Variants in R3HDM1 observed in about 807,000 individuals in gnomAD.
R3HDM1 encodes R3H domain-containing protein 1.
In R3HDM1, 46 loss-of-function variants were observed where a neutral mutation model predicts 141.1. The ratio of observed to expected loss-of-function variants is 0.33; its 90% CI spans 0.26 to 0.42. The LOEUF is 0.42. Among genes scored for constraint, R3HDM1 ranks in the 10% least tolerant of loss-of-function variants. The probability of loss-of-function intolerance (pLI) is 1.00; values close to 1 mark genes in which losing one functional copy is unlikely to be tolerated. For synonymous variants in R3HDM1, 435 were observed against 472.9 expected (o/e 0.92, Z 1.04); for missense variants, 1,184 against 1,368.3 (o/e 0.87, Z 2.12).
At chr2:135,688,133 AT>A (rs2105372605) in intron 21 of R3HDM1, among the ~76,000 whole-genome samples, 1 of 152,288 alleles carries the variant, frequency 6.6e-6, no homozygotes, top group South Asian at 2.1e-4. Context: ...ATTATAAACA[AT>A]TGTCCTTTTC....
chr2:135,654,863 A>AGC (rs1202364171), intron 18 of R3HDM1, among the ~76,000 whole-genome samples: 1 of 136,620 alleles, frequency 7.3e-6, no homozygotes, highest in African/African-American at 2.7e-5. Flanking sequence ...GTGTATATAA[A>AGC]GTGTGTGTGT....
At chr2:135,552,713 AT>A (rs1700056895) in intron 1 of R3HDM1, among the ~76,000 whole-genome samples, 1 of 152,208 alleles carries the variant, frequency 6.6e-6, no homozygotes, top group East Asian at 1.9e-4. Flanking sequence ...CCAGGTCATC[AT>A]TGGCACTCCA....
intron 1 of R3HDM1, among the ~76,000 whole-genome samples, chr2:135,596,500 T>C (rs2059203440): frequency 6.6e-6 from 1 of 152,194 alleles, no homozygotes; most frequent in African/African-American, 2.4e-5. Flanking sequence ...AATACAGATG[T>C]GATTTGAAGT....
chr2:135,671,153 GTA>G (rs2068272398), intron 19 of R3HDM1, among the ~76,000 whole-genome samples: 1 of 150,474 alleles, frequency 6.6e-6, no homozygotes. Context: ...TAAACAGTTT[GTA>G]TTCTTTCTTT....
At chr2:135,628,538 T>C (rs1303585187) in intron 7 of R3HDM1, among the ~76,000 whole-genome samples, 1 of 152,254 alleles carries the variant, frequency 6.6e-6, no homozygotes, top group East Asian at 1.9e-4. Flanking sequence ...AATATTCTTA[T>C]ACCTGCTCTT....
intron 23 of R3HDM1, among the ~76,000 whole-genome samples, chr2:135,713,003 A>G (rs1360434720): frequency 1.3e-5 from 2 of 152,186 alleles, no homozygotes; most frequent in Non-Finnish European, 2.9e-5. Context: ...GGAGTTCAAG[A>G]GCAGCCTAGA....
At chr2:135,602,324 G>T (rs914824729) in intron 1 of R3HDM1, among the ~76,000 whole-genome samples, 176 bp from the exon 2 acceptor site, 2 of 152,036 alleles carry the variant, frequency 1.3e-5, no homozygotes, top group Non-Finnish European at 2.9e-5. Context: ...GACTTATTCA[G>T]GTTCACAAAG....
At chr2:135,723,888 A>G (rs2076950761) in intron 26 of R3HDM1, 49 bp from the exon 27 acceptor site, 6 of 1,486,808 alleles carry the variant, frequency 4.0e-6, no homozygotes, top group African/African-American at 2.8e-5. Flanking sequence ...TTTTTACCCA[A>G]CTTTTTTGGT....
intron 17 of R3HDM1, chr2:135,651,185 A>AT: frequency 2.0e-6 from 2 of 985,214 alleles, no homozygotes; most frequent in Middle Eastern, 1.0e-3. Context: ...TGGCCAAATT[A>AT]TTTTTGAAAG....
At chr2:135,541,851 T>TAAAAAAAA (rs10558924) in intron 1 of R3HDM1, among the ~76,000 whole-genome samples, 1 of 121,896 alleles carries the variant, frequency 8.2e-6, no homozygotes, top group African/African-American at 2.8e-5. Context: ...TTCAATTTGT[T>TAAAAAAAA]AAAAAAAAAA....
intron 1 of R3HDM1, among the ~76,000 whole-genome samples, chr2:135,578,707 C>G (rs1456023958): frequency 6.6e-6 from 1 of 152,022 alleles, no homozygotes; most frequent in Non-Finnish European, 1.5e-5. Context: ...AAACACAAGA[C>G]AAAAAACAAA....
intron 1 of R3HDM1, chr2:135,581,492 AC>A: frequency 1.3e-6 from 1 of 759,476 alleles, no homozygotes; most frequent in Non-Finnish European, 1.6e-6. Flanking sequence ...ACTGACTAAT[AC>A]CACAATCTTT....
intron 17 of R3HDM1, chr2:135,650,798 A>T: frequency 1.0e-6 from 1 of 984,484 alleles, no homozygotes; most frequent in South Asian, 4.7e-5. Context: ...TACTTTGGAA[A>T]ATCCAGCAGA....
intron 1 of R3HDM1, among the ~76,000 whole-genome samples, chr2:135,542,514 G>A (rs139326988): frequency 2.0e-5 from 3 of 151,560 alleles, no homozygotes; most frequent in Admixed American, 6.6e-5. Flanking sequence ...TTAACTCCTC[G>A]TCATTTAAAC....
intron 1 of R3HDM1, among the ~76,000 whole-genome samples, chr2:135,536,015 C>T (rs941862421): frequency 1.3e-5 from 2 of 152,030 alleles, no homozygotes; most frequent in Non-Finnish European, 2.9e-5. Context: ...TTTTGAAAGC[C>T]CTATAGTTTA....
intron 1 of R3HDM1, among the ~76,000 whole-genome samples, chr2:135,551,892 T>C (rs184493582): frequency 2.9e-4 from 44 of 152,336 alleles, no homozygotes; most frequent in Admixed American, 1.2e-3. Context: ...TGAAGGCAAA[T>C]GTTTATTTTA....
chr2:135,678,333 G>A (rs1174439829), intron 20 of R3HDM1, among the ~76,000 whole-genome samples: 3 of 152,054 alleles, frequency 2.0e-5, no homozygotes, highest in South Asian at 2.1e-4. Context: ...TGAGTTTCTG[G>A]AGCCACAGGG....
chr2:135,593,536 A>G (rs1242571814), intron 1 of R3HDM1, among the ~76,000 whole-genome samples: 1 of 152,034 alleles, frequency 6.6e-6, no homozygotes, highest in Non-Finnish European at 1.5e-5. Context: ...TCTCCTCATG[A>G]GCTCAAGAAC....
chr2:135,593,965 C>T (rs1219773809), intron 1 of R3HDM1, among the ~76,000 whole-genome samples: 1 of 152,222 alleles, frequency 6.6e-6, no homozygotes, highest in Non-Finnish European at 1.5e-5. Flanking sequence ...GGTGATCCGC[C>T]CGCCTCAGCC....
Sources: allele counts gnomAD v4.1 joint callset (sites outside exome capture counted in the v4.1 genomes callset), GRCh38; gene constraint gnomAD v4.1.1; transcripts MANE v1.5; gene names NCBI Gene and HGNC (gene_info 2026-07-23, HGNC 2026-07-21).